The following SH2D4A variants were observed in gnomAD, a reference collection of about 807,000 sequenced individuals.
The protein encoded by SH2D4A is SH2 domain containing 4A.
In SH2D4A, 70 loss-of-function variants were observed where a neutral mutation model predicts 64.7. The observed-to-expected ratio is 1.08, with a 90% CI of 0.89 to 1.32. SH2D4A has a LOEUF of 1.32. SH2D4A is among the 40% of genes most tolerant of loss of function. The probability of loss-of-function intolerance (pLI) is 0.00; values close to 1 mark genes in which losing one functional copy is unlikely to be tolerated. For missense variants in SH2D4A, 706 were observed against 540.1 expected, an observed-to-expected ratio of 1.31 and a Z score of -3.04; for synonymous variants, 268 against 200.7, an observed-to-expected ratio of 1.34 and a Z score of -2.83.
At chr8:19,380,888 G>C (rs2053282098) in intron 8 of SH2D4A, among the ~76,000 whole-genome samples, 1 of 151,950 alleles carries the variant, frequency 6.6e-6, no homozygotes, top group Non-Finnish European at 1.5e-5. Context: ...TTTTGGATGG[G>C]TTTTTCTATT....
chr8:19,382,449 G>C (rs79099943), intron 8 of SH2D4A, among the ~76,000 whole-genome samples: 21,134 of 152,044 alleles, frequency 0.14, 1,611 homozygotes, highest in African/African-American at 0.19. Context: ...TTCAACCATT[G>C]TGTTTTTCAC....
intron 8 of SH2D4A, among the ~76,000 whole-genome samples, chr8:19,392,820 C>A (rs1037085897): frequency 1.1e-4 from 17 of 152,158 alleles, no homozygotes; most frequent in Middle Eastern, 6.8e-3. Flanking sequence ...CGGCTCACTG[C>A]AAGCTCCGTT....
intron 4 of SH2D4A, among the ~76,000 whole-genome samples, chr8:19,342,811 TTTAAA>T (rs1409283544): frequency 6.6e-6 from 1 of 152,202 alleles, no homozygotes; most frequent in Non-Finnish European, 1.5e-5. Flanking sequence ...TATTCTGGGC[TTTAAA>T]TTAAACAGAA....
intron 9 of SH2D4A, 85 bp downstream of exon 9, chr8:19,393,626 G>A (rs2053536378): frequency 1.3e-5 from 18 of 1,363,272 alleles, no homozygotes; most frequent in Non-Finnish European, 1.8e-5. Context: ...CAAAGAAAAG[G>A]ACTGAGACAA....
chr8:19,380,699 TTC>T (rs1415075295), intron 8 of SH2D4A, among the ~76,000 whole-genome samples: 2 of 152,220 alleles, frequency 1.3e-5, no homozygotes, highest in Admixed American at 1.3e-4. Context: ...GCATTTTTAT[TTC>T]TGAGTTTTTT....
chr8:19,330,101 G>T (rs2052346933), intron 2 of SH2D4A, among the ~76,000 whole-genome samples: 1 of 152,196 alleles, frequency 6.6e-6, no homozygotes, highest in South Asian at 2.1e-4. Context: ...ATCACCTGCA[G>T]CATCTAGCTC....
chr8:19,381,259 A>G (rs1315373589), intron 8 of SH2D4A, among the ~76,000 whole-genome samples: 1 of 152,158 alleles, frequency 6.6e-6, no homozygotes, highest in Non-Finnish European at 1.5e-5. Flanking sequence ...TATGTTGGCC[A>G]GGCTGGTCTT....
chr8:19,334,268 G>T (rs2052408060), intron 3 of SH2D4A, among the ~76,000 whole-genome samples: 2 of 152,314 alleles, frequency 1.3e-5, no homozygotes, highest in Middle Eastern at 6.8e-3. Context: ...CAAGGGCTGG[G>T]ATGCTGCCCA....
At chr8:19,329,841 T>C (rs1340511402) in intron 2 of SH2D4A, among the ~76,000 whole-genome samples, 1 of 152,244 alleles carries the variant, frequency 6.6e-6, no homozygotes, top group African/African-American at 2.4e-5. Context: ...GCCATGATTG[T>C]GAAGCTTCCC....
At chr8:19,346,240 T>C (rs1350387953) in intron 4 of SH2D4A, among the ~76,000 whole-genome samples, 1 of 152,176 alleles carries the variant, frequency 6.6e-6, no homozygotes, top group Non-Finnish European at 1.5e-5. Context: ...TGGGGTACCA[T>C]TGGTCTGTGA....
chr8:19,316,838 C>G (rs994591225), intron 1 of SH2D4A, among the ~76,000 whole-genome samples: 3 of 152,208 alleles, frequency 2.0e-5, no homozygotes, highest in African/African-American at 7.2e-5. Flanking sequence ...CTCTATCTTC[C>G]TAATCTGTGA....
At position 19,334,847 on chromosome 8, in the gene SH2D4A, A is replaced by C. The variant is rs58914649; in HGVS notation, c.503A>C (p.Glu168Ala). The C allele has an allele frequency of 6.2e-7, 1 of 1,603,096 alleles. No homozygotes were observed. Among genetic ancestry groups the C allele is most frequent in the Non-Finnish European group, 8.5e-7 (1 of 1,177,386 alleles). Residue 168 changes from glutamate to alanine, a missense_variant, in exon 4 of 10, where the codon GAG becomes GCG. By Grantham distance (107) the Glu-to-Ala change is moderately radical. Coordinates refer to ENST00000265807, the MANE Select transcript of SH2D4A (RefSeq NM_022071.4). ...AGGCCAGCACCAACCCTGGAAGAAG[A>C]GAAAATCCGAGTGAGTCCTTACTGT... Reference protein sequence around the residue: ...GSRPAPTLEEEKIRSLSSSSR... With the variant: ...GSRPAPTLEEAKIRSLSSSSR...
chr8:19,390,725 C>A (rs1353635506), intron 8 of SH2D4A, among the ~76,000 whole-genome samples: 1 of 152,212 alleles, frequency 6.6e-6, no homozygotes, highest in Admixed American at 6.5e-5. Context: ...CAAGGAGTCT[C>A]CACTATGACC....
At chr8:19,361,158 TTG>T in intron 5 of SH2D4A, 43 bp from the exon 6 acceptor site, 2 of 1,231,598 alleles carry the variant, frequency 1.6e-6, no homozygotes, top group Non-Finnish European at 2.3e-6. Context: ...GGTTCTTTTT[TTG>T]TTTTGTTTTG....
chr8:19,337,612 A>T (rs2052464000), intron 4 of SH2D4A, among the ~76,000 whole-genome samples: 1 of 152,196 alleles, frequency 6.6e-6, no homozygotes, highest in African/African-American at 2.4e-5. Context: ...GCAGTTTACA[A>T]AACAAAGAGG....
intron 8 of SH2D4A, among the ~76,000 whole-genome samples, chr8:19,377,124 T>G (rs979533525): frequency 2.0e-4 from 31 of 152,158 alleles, no homozygotes; most frequent in Non-Finnish European, 3.8e-4. Flanking sequence ...CTCATACCTG[T>G]AATCCCAGTG....
intron 7 of SH2D4A, among the ~76,000 whole-genome samples, chr8:19,371,175 T>A (rs776688964): frequency 6.6e-6 from 1 of 152,180 alleles, no homozygotes; most frequent in Non-Finnish European, 1.5e-5. Flanking sequence ...CACATCATGA[T>A]GATAGTATTA....
intron 6 of SH2D4A, 44 bp from the exon 7 acceptor site, chr8:19,364,028 C>T (rs2052940056): frequency 1.2e-6 from 2 of 1,600,102 alleles, no homozygotes; most frequent in Non-Finnish European, 1.7e-6. Flanking sequence ...CTCACCTGCT[C>T]TGTGGGCTGA....
At chr8:19,386,924 T>C (rs186907308) in intron 8 of SH2D4A, among the ~76,000 whole-genome samples, 15 of 152,326 alleles carry the variant, frequency 9.8e-5, no homozygotes, top group Admixed American at 9.8e-4. Context: ...GGAATGCAGG[T>C]GTATACCACC....
Sources: gnomAD v4.1 joint callset for allele counts (sites outside exome capture counted in the v4.1 genomes callset) on GRCh38, gnomAD v4.1.1 for gene constraint, MANE v1.5 for transcripts, NCBI Gene and HGNC (gene_info 2026-07-23, HGNC 2026-07-21) for gene names.